EPC2: variants seen among roughly 807,000 people sequenced by gnomAD.
EPC2 encodes enhancer of polycomb 2.
A neutral mutation model predicts 92.1 loss-of-function variants in EPC2; 14 were observed. The ratio of observed to expected loss-of-function variants is 0.15; its 90% CI spans 0.10 to 0.24. EPC2 has a LOEUF of 0.24. Among genes scored for constraint, EPC2 ranks in the 10% least tolerant of loss-of-function variants. EPC2 has a pLI of 1.00. For missense variants in EPC2, 755 were observed against 971.5 expected, an observed-to-expected ratio of 0.78 and a Z score of 2.96; for synonymous variants, 340 against 334.7, an observed-to-expected ratio of 1.02 and a Z score of -0.17.
intron 2 of EPC2, among the ~76,000 whole-genome samples, chr2:148,714,878 G>C (rs1229368240): frequency 6.6e-6 from 1 of 152,134 alleles, no homozygotes; most frequent in East Asian, 1.9e-4. Flanking sequence ...TCTGATGAGA[G>C]TTTCTTTTGC....
At chr2:148,772,211 T>C (rs1675525917) in intron 10 of EPC2, among the ~76,000 whole-genome samples, 1 of 152,258 alleles carries the variant, frequency 6.6e-6, no homozygotes, top group Non-Finnish European at 1.5e-5. Context: ...ATGTACATTG[T>C]AAATAATGTA....
intron 2 of EPC2, among the ~76,000 whole-genome samples, chr2:148,699,117 T>C (rs961806855): frequency 2.6e-5 from 4 of 152,138 alleles, no homozygotes; most frequent in African/African-American, 7.2e-5. Flanking sequence ...TAGTGAAATA[T>C]GAATTTGTAT....
At chr2:148,681,039 A>G (rs75726420) in intron 1 of EPC2, among the ~76,000 whole-genome samples, 1 of 152,218 alleles carries the variant, frequency 6.6e-6, no homozygotes, top group Admixed American at 6.5e-5. Flanking sequence ...ATGGTGGGCA[A>G]CTTGCCTTTT....
At chr2:148,709,447 C>G (rs567142603) in intron 2 of EPC2, among the ~76,000 whole-genome samples, 8 of 152,260 alleles carry the variant, frequency 5.3e-5, no homozygotes, top group African/African-American at 1.9e-4. Context: ...TAAATGCCAT[C>G]CCCATCAAGC....
chr2:148,673,646 C>T (rs1163593817), intron 1 of EPC2, among the ~76,000 whole-genome samples: 2 of 152,044 alleles, frequency 1.3e-5, no homozygotes, highest in African/African-American at 4.8e-5. Context: ...TGCAGTGGTG[C>T]GATCTCGGCT....
chr2:148,766,558 AGGAATGAG>A (rs1414991693), intron 7 of EPC2, among the ~76,000 whole-genome samples: 1 of 152,218 alleles, frequency 6.6e-6, no homozygotes, highest in African/African-American at 2.4e-5. Context: ...ACCATTTTGA[AGGAATGAG>A]GGATATAGTG....
chr2:148,672,868 A>G (rs1681185551), intron 1 of EPC2, among the ~76,000 whole-genome samples: 1 of 152,108 alleles, frequency 6.6e-6, no homozygotes, highest in Non-Finnish European at 1.5e-5. Context: ...AGCAATTTTT[A>G]TAGGAAGGGT....
At chr2:148,731,190 G>A (rs1682621339) in intron 2 of EPC2, among the ~76,000 whole-genome samples, 1 of 152,122 alleles carries the variant, frequency 6.6e-6, no homozygotes, top group Non-Finnish European at 1.5e-5. Flanking sequence ...CATTGGAGTG[G>A]TAAAAATAGT....
At chr2:148,758,498 T>G (rs1683236063) in intron 4 of EPC2, among the ~76,000 whole-genome samples, 2 of 152,004 alleles carry the variant, frequency 1.3e-5, no homozygotes, top group Non-Finnish European at 2.9e-5. Flanking sequence ...TGGGTTCAAG[T>G]GATTCCCCTA....
At chr2:148,689,316 A>G (rs1034193898) in intron 1 of EPC2, among the ~76,000 whole-genome samples, 1 of 151,404 alleles carries the variant, frequency 6.6e-6, no homozygotes, top group Admixed American at 6.6e-5. Context: ...AGCTGGGACT[A>G]GAGGCACCCG....
intron 10 of EPC2, among the ~76,000 whole-genome samples, chr2:148,778,360 T>A (rs944084581): frequency 1.3e-5 from 2 of 152,252 alleles, no homozygotes; most frequent in Non-Finnish European, 2.9e-5. Context: ...TATCTCATTC[T>A]GAAACAGATT....
chr2:148,782,718 C>A (rs1683778494), intron 11 of EPC2, among the ~76,000 whole-genome samples: 1 of 150,954 alleles, frequency 6.6e-6, no homozygotes, highest in South Asian at 2.1e-4. Flanking sequence ...ACCCCATAAG[C>A]TTCATTGTGG....
At chr2:148,730,219 G>A (rs1682588743) in intron 2 of EPC2, among the ~76,000 whole-genome samples, 1 of 152,076 alleles carries the variant, frequency 6.6e-6, no homozygotes, top group South Asian at 2.1e-4. Context: ...CAGCATTCAG[G>A]GTCTTTTAGT....
chr2:148,698,056 G>A (rs1681787830), intron 2 of EPC2, among the ~76,000 whole-genome samples: 1 of 151,976 alleles, frequency 6.6e-6, no homozygotes, highest in Non-Finnish European at 1.5e-5. Context: ...AAAAAAAAAG[G>A]TTACTGTACC....
At chr2:148,664,005 C>T (rs781412114) in intron 1 of EPC2, among the ~76,000 whole-genome samples, 23 of 152,182 alleles carry the variant, frequency 1.5e-4, no homozygotes, top group Non-Finnish European at 7.4e-5. Flanking sequence ...TACATGTTTT[C>T]AGTGGTTACT....
chr2:148,684,543 G>A lies in EPC2; in HGVS notation c.154-5671G>A, dbSNP rs949045742. 6.6e-5 allele frequency among the ~76,000 whole-genome samples: 10 copies of A among 152,174 alleles called. No homozygotes were observed. In the South Asian group the frequency reaches 2.1e-3, roughly 31 times the overall value. ...CAACTTGATTCTTCTACACGTAACA[G>A]TGCTTCTAAGATGCATCACATTGTA... On this transcript the variant is annotated intron_variant, in intron 1 of 13. Transcript: ENST00000258484.
intron 1 of EPC2, among the ~76,000 whole-genome samples, chr2:148,674,499 T>C (rs1681224450): frequency 6.6e-6 from 1 of 152,192 alleles, no homozygotes; most frequent in Non-Finnish European, 1.5e-5. Context: ...CACCAAGTTG[T>C]GCTGTTTTCT....
intron 13 of EPC2, among the ~76,000 whole-genome samples, chr2:148,785,539 G>T (rs1683850273): frequency 6.6e-6 from 1 of 152,088 alleles, no homozygotes; most frequent in South Asian, 2.1e-4. Context: ...TGTTGGCCGG[G>T]ATAGTCTCAA....
At chr2:148,687,377 C>T (rs897876698) in intron 1 of EPC2, among the ~76,000 whole-genome samples, 4 of 152,140 alleles carry the variant, frequency 2.6e-5, no homozygotes, top group Admixed American at 1.3e-4. Context: ...TGTTTTGCTT[C>T]GTTATTATTT....
Sources: allele counts gnomAD v4.1 joint callset (sites outside exome capture counted in the v4.1 genomes callset), GRCh38; gene constraint gnomAD v4.1.1; transcripts MANE v1.5; gene names NCBI Gene and HGNC (gene_info 2026-07-23, HGNC 2026-07-21).